The following CADM1 variants were observed in gnomAD, a reference collection of about 807,000 sequenced individuals.
CADM1 encodes the protein TSLC-1.
CADM1 carries 15 observed loss-of-function variants against 53.1 expected under a neutral mutation model. That is an observed-to-expected ratio of 0.28 (90% CI 0.19 to 0.44). The LOEUF (loss-of-function observed/expected upper bound fraction) is 0.44. CADM1 is among the 20% of genes least tolerant of loss of function. The pLI is 1.00. For synonymous variants in CADM1, 281 were observed against 243.0 expected (o/e 1.16, Z -1.45); for missense variants, 434 against 611.3 (o/e 0.71, Z 3.06).
chr11:115,320,100 G>A (rs950285626), intron 1 of CADM1, among the ~76,000 whole-genome samples: 2 of 152,014 alleles, frequency 1.3e-5, no homozygotes, highest in Non-Finnish European at 2.9e-5. Context: ...ATCTCGCTCT[G>A]TCACCCAGGC....
At chr11:115,404,832 A>G (rs1349486179) in intron 1 of CADM1, among the ~76,000 whole-genome samples, 1 of 141,586 alleles carries the variant, frequency 7.1e-6, no homozygotes, top group Non-Finnish European at 1.5e-5. Context: ...ACAGAACAAG[A>G]CCCTGCCTCA....
At chr11:115,317,542 T>C (rs940465605) in intron 1 of CADM1, among the ~76,000 whole-genome samples, 4 of 152,186 alleles carry the variant, frequency 2.6e-5, no homozygotes. Context: ...GCTTTTACCA[T>C]CACGTGTTAA....
intron 1 of CADM1, among the ~76,000 whole-genome samples, chr11:115,503,712 C>T (rs1949785886): frequency 2.0e-5 from 3 of 151,538 alleles, no homozygotes; most frequent in African/African-American, 7.3e-5. Context: ...AGGCAGAGCG[C>T]GTTGGGGGAA....
chr11:115,392,166 A>G (rs1416813554), intron 1 of CADM1, among the ~76,000 whole-genome samples: 2 of 151,980 alleles, frequency 1.3e-5, no homozygotes, highest in African/African-American at 4.8e-5. Flanking sequence ...AGTTGCTGTC[A>G]TTCTTAAAAT....
chr11:115,443,367 T>C (rs548401757), intron 1 of CADM1, among the ~76,000 whole-genome samples: 1 of 152,168 alleles, frequency 6.6e-6, no homozygotes, highest in South Asian at 2.1e-4. Context: ...ATAAAAGTAA[T>C]GGCAGATTGT....
At chr11:115,408,119 T>TA (rs1179649427) in intron 1 of CADM1, among the ~76,000 whole-genome samples, 14 of 151,256 alleles carry the variant, frequency 9.3e-5, no homozygotes, top group South Asian at 2.1e-4. Context: ...AGAGCCGTTT[T>TA]AAAAAAAAAC....
chr11:115,376,479 A>G (rs1294422213), intron 1 of CADM1, among the ~76,000 whole-genome samples: 1 of 152,162 alleles, frequency 6.6e-6, no homozygotes, highest in Admixed American at 6.6e-5. Context: ...GAGAAGACAA[A>G]AGAGAGGTAT....
intron 1 of CADM1, among the ~76,000 whole-genome samples, chr11:115,366,874 T>C (rs1591751815): frequency 6.6e-6 from 1 of 152,228 alleles, no homozygotes; most frequent in East Asian, 1.9e-4. Flanking sequence ...TCTACATTAT[T>C]TCACTAGGAA....
At chr11:115,445,484 T>C (rs1948427943) in intron 1 of CADM1, among the ~76,000 whole-genome samples, 1 of 149,536 alleles carries the variant, frequency 6.7e-6, no homozygotes, top group African/African-American at 2.4e-5. Flanking sequence ...CTATCACTAT[T>C]ATACCATGCA....
chr11:115,387,964 T>C (rs1946741403), intron 1 of CADM1, among the ~76,000 whole-genome samples: 1 of 149,818 alleles, frequency 6.7e-6, no homozygotes, highest in Middle Eastern at 3.3e-3. Context: ...ATCAGAGAAA[T>C]GGTTGATTAC....
At chr11:115,273,583 C>A (rs931309249) in intron 1 of CADM1, among the ~76,000 whole-genome samples, 3 of 151,948 alleles carry the variant, frequency 2.0e-5, no homozygotes, top group African/African-American at 4.8e-5. Context: ...ACCTTAAATG[C>A]CAGTTACAAA....
At chr11:115,497,041 C>T (rs768293872) in intron 1 of CADM1, among the ~76,000 whole-genome samples, 3 of 152,148 alleles carry the variant, frequency 2.0e-5, no homozygotes, top group Non-Finnish European at 2.9e-5. Flanking sequence ...CCTCTAGGGA[C>T]GGCATAACTC....
intron 1 of CADM1, among the ~76,000 whole-genome samples, chr11:115,242,014 GA>G (rs963463462): frequency 4.7e-5 from 7 of 150,536 alleles, no homozygotes; most frequent in African/African-American, 1.7e-4. Context: ...GAAAGTGTGA[GA>G]GGGGTGGCTA....
chr11:115,462,558 A>G (rs1193560209), intron 1 of CADM1, among the ~76,000 whole-genome samples: 4 of 152,210 alleles, frequency 2.6e-5, no homozygotes, highest in Non-Finnish European at 4.4e-5. Context: ...ATTAAAACAG[A>G]TAACACCAGA....
At chr11:115,463,330 C>T (rs1033053056) in intron 1 of CADM1, among the ~76,000 whole-genome samples, 19 of 152,160 alleles carry the variant, frequency 1.2e-4, no homozygotes, top group African/African-American at 4.3e-4. Context: ...AAGAACAGCT[C>T]AGACTAGCTA....
chr11:115,189,285 T>C (rs145970502), intron 10 of CADM1, among the ~76,000 whole-genome samples: 16 of 152,326 alleles, frequency 1.1e-4, no homozygotes, highest in African/African-American at 3.8e-4. Flanking sequence ...TAATTGATGA[T>C]GCTGGTGGAA....
At position 115,173,691 on chromosome 11, in the gene CADM1, T is replaced by C. The variant is rs1938882931; in HGVS notation, c.*2783A>G. 3.3e-6 allele frequency: 2 copies of C among 605,078 alleles called. No homozygotes were observed. The highest frequency in any genetic ancestry group is 2.0e-5 in the African/African-American group (1 of 49,764). The allele number at this position is 605,078 out of a possible 1,614,324, so 37.5% of individuals were successfully genotyped here. ...ATTTTATAGTACTTCTTTTTTTTCT[T>C]TTTTTTTTTGTAAAAATGGTATACA... On this transcript the variant is annotated 3_prime_UTR_variant, in exon 12 of 12. Coordinates refer to ENST00000331581, the MANE Select transcript of CADM1 (RefSeq NM_001301043.2).
At chr11:115,281,216 A>C (rs1285232121) in intron 1 of CADM1, among the ~76,000 whole-genome samples, 1 of 152,208 alleles carries the variant, frequency 6.6e-6, no homozygotes, top group African/African-American at 2.4e-5. Context: ...TAGTTGTGTC[A>C]AGCTATTCTG....
chr11:115,340,626 T>TTATATACA (rs1555069218), intron 1 of CADM1, among the ~76,000 whole-genome samples: 9 of 48,246 alleles, frequency 1.9e-4, no homozygotes, highest in African/African-American at 8.6e-4. Flanking sequence ...ATAATAAATA[T>TTATATACA]TATATATATA....
Sources: gnomAD v4.1 joint callset for allele counts (sites outside exome capture counted in the v4.1 genomes callset) on GRCh38, gnomAD v4.1.1 for gene constraint, MANE v1.5 for transcripts, NCBI Gene and HGNC (gene_info 2026-07-23, HGNC 2026-07-21) for gene names.